Variants in CDH13 observed in about 807,000 individuals in gnomAD.
CDH13 encodes the protein cadherin-13.
In CDH13, 24 loss-of-function variants were observed where a neutral mutation model predicts 63.8. The ratio of observed to expected loss-of-function variants is 0.38; its 90% CI spans 0.27 to 0.53. CDH13 has a LOEUF of 0.53. Ranked by LOEUF, CDH13 falls within the 20% of genes least tolerant of loss-of-function variation. The pLI is 0.85. For missense variants in CDH13, 1,049 were observed against 903.1 expected (o/e 1.16, Z -2.07); for synonymous variants, 503 against 355.3 (o/e 1.42, Z -4.67).
intron 4 of CDH13, among the ~76,000 whole-genome samples, chr16:83,168,319 T>TA (rs2037773005): frequency 6.6e-6 from 1 of 152,086 alleles, no homozygotes; most frequent in South Asian, 2.1e-4. Context: ...ATCCATTATA[T>TA]AATATAGATA....
chr16:83,508,104 GAAGGAAA>G (rs2074455652), intron 7 of CDH13, among the ~76,000 whole-genome samples: 1 of 74,924 alleles, frequency 1.3e-5, no homozygotes, highest in Non-Finnish European at 2.8e-5. Context: ...AGGAAAGAAG[GAAGGAAA>G]AGGAAGGAAG....
At chr16:83,744,343 C>G (rs1377727059) in intron 10 of CDH13, among the ~76,000 whole-genome samples, 1 of 152,170 alleles carries the variant, frequency 6.6e-6, no homozygotes, top group Non-Finnish European at 1.5e-5. Context: ...TGAGTGGGGT[C>G]TTGAAACAGT....
chr16:83,599,825 GT>G (rs1445776924), intron 7 of CDH13, among the ~76,000 whole-genome samples: 1 of 152,142 alleles, frequency 6.6e-6, no homozygotes, highest in Non-Finnish European at 1.5e-5. Context: ...AAGTAACAAT[GT>G]TTTATGACAA....
At chr16:83,482,381 T>A (rs1041804578) in intron 6 of CDH13, among the ~76,000 whole-genome samples, 4 of 152,232 alleles carry the variant, frequency 2.6e-5, no homozygotes, top group Admixed American at 1.3e-4. Context: ...CAGCAAAGTT[T>A]GGTGAGTGCT....
chr16:83,680,284 G>A (rs1235298802), intron 10 of CDH13, among the ~76,000 whole-genome samples: 4 of 152,172 alleles, frequency 2.6e-5, no homozygotes, highest in Non-Finnish European at 5.9e-5. Context: ...TGGAGCTGGG[G>A]TCATGCACCT....
At chr16:83,119,710 C>T (rs2035477934) in intron 3 of CDH13, among the ~76,000 whole-genome samples, 2 of 152,184 alleles carry the variant, frequency 1.3e-5, no homozygotes. Context: ...ACCACACGCA[C>T]AAACACAGAG....
chr16:83,143,687 T>G (rs562950156), intron 4 of CDH13, among the ~76,000 whole-genome samples: 3 of 152,268 alleles, frequency 2.0e-5, no homozygotes, highest in Admixed American at 2.0e-4. Context: ...GTGCAGGGAT[T>G]GTAAGCTCCT....
chr16:83,547,011 A>T (rs899725172), intron 7 of CDH13, among the ~76,000 whole-genome samples: 3 of 152,230 alleles, frequency 2.0e-5, no homozygotes, highest in African/African-American at 4.8e-5. Context: ...CAAGGACCAC[A>T]GTTGGCTTGA....
chr16:83,206,707 A>G (rs995731320), intron 4 of CDH13, among the ~76,000 whole-genome samples: 4 of 152,260 alleles, frequency 2.6e-5, no homozygotes, highest in Admixed American at 2.6e-4. Flanking sequence ...CACAAGAGTT[A>G]CATAACATTT....
chr16:83,179,725 T>C (rs935497942), intron 4 of CDH13, among the ~76,000 whole-genome samples: 1 of 152,166 alleles, frequency 6.6e-6, no homozygotes, highest in African/African-American at 2.4e-5. Context: ...GAACCAGAGT[T>C]TGAATTCGTC....
intron 3 of CDH13, among the ~76,000 whole-genome samples, chr16:83,098,863 C>T (rs1173743192): frequency 6.6e-6 from 1 of 152,112 alleles, no homozygotes; most frequent in Non-Finnish European, 1.5e-5. Flanking sequence ...AAGGTTGAAA[C>T]AGATAAGACG....
chr16:82,721,053 G>C (rs941529571), intron 1 of CDH13, among the ~76,000 whole-genome samples: 1 of 152,204 alleles, frequency 6.6e-6, no homozygotes, highest in Non-Finnish European at 1.5e-5. Context: ...CATAATGGAA[G>C]TATAACCAGG....
chr16:83,682,712 C>T (rs1318149627), intron 10 of CDH13, among the ~76,000 whole-genome samples: 2 of 152,118 alleles, frequency 1.3e-5, no homozygotes, highest in South Asian at 2.1e-4. Flanking sequence ...CTTTTTCTCT[C>T]CCCACCCCAC....
intron 7 of CDH13, among the ~76,000 whole-genome samples, chr16:83,556,159 C>T (rs537432198): frequency 5.5e-4 from 84 of 152,280 alleles, no homozygotes; most frequent in Admixed American, 4.8e-3. Context: ...CTAACTCAAA[C>T]GTTAGGAGAG....
chr16:83,100,868 G>A (rs1022705078), intron 3 of CDH13, among the ~76,000 whole-genome samples: 10 of 152,212 alleles, frequency 6.6e-5, no homozygotes, highest in East Asian at 3.9e-4. Context: ...TTTGTACAGC[G>A]TACAACCTTT....
chr16:82,654,097 A>T lies in CDH13; in HGVS notation c.45+26960A>T, dbSNP rs887652437. On this transcript the variant is annotated intron_variant, in intron 1 of 13. Coordinates refer to ENST00000567109, the MANE Select transcript of CDH13 (RefSeq NM_001257.5). ...AAAGCCGCAAAAATTCTCATTAGTC[A>T]TTGCAAAAACATCTATTTCCGGCCT... is the stretch of plus-strand genomic sequence containing the variant. 3.9e-5 allele frequency among the ~76,000 whole-genome samples: 6 copies of T among 152,130 alleles called. No homozygotes were observed. The South Asian group carries it at 8.3e-4, about 21-fold the overall frequency.
chr16:83,288,291 C>A (rs1448844656), intron 5 of CDH13, among the ~76,000 whole-genome samples: 1 of 152,202 alleles, frequency 6.6e-6, no homozygotes. Flanking sequence ...GTTGCACCAG[C>A]TTGTTTTAAG....
At chr16:82,652,127 T>C (rs1003874338) in intron 1 of CDH13, among the ~76,000 whole-genome samples, 1 of 152,220 alleles carries the variant, frequency 6.6e-6, no homozygotes, top group South Asian at 2.1e-4. Context: ...GTCACTAGCA[T>C]CCGAGGCAAG....
At chr16:83,493,140 A>T (rs1009943960) in intron 7 of CDH13, among the ~76,000 whole-genome samples, 5 of 152,222 alleles carry the variant, frequency 3.3e-5, no homozygotes, top group African/African-American at 4.8e-5. Context: ...AAAAATTCAA[A>T]TAAGATGTGC....
Sources: gnomAD v4.1 joint callset for allele counts (sites outside exome capture counted in the v4.1 genomes callset) on GRCh38, gnomAD v4.1.1 for gene constraint, MANE v1.5 for transcripts, NCBI Gene and HGNC (gene_info 2026-07-23, HGNC 2026-07-21) for gene names.